BMPR1A: variants seen among roughly 807,000 people sequenced by gnomAD.
BMPR1A encodes bone morphogenetic protein receptor type 1A, also known as bone morphogenetic protein receptor type-1A.
Under a neutral mutation model 66.0 loss-of-function variants are expected in BMPR1A, and 7 were observed. The observed-to-expected ratio is 0.11, with a 90% CI of 0.06 to 0.20. The LOEUF (loss-of-function observed/expected upper bound fraction) is 0.20, where lower values mean the gene tolerates loss of function less well. BMPR1A is among the 10% of genes least tolerant of loss of function. The probability of loss-of-function intolerance (pLI) is 1.00; values close to 1 mark genes in which losing one functional copy is unlikely to be tolerated. For missense variants in BMPR1A, 408 were observed against 669.1 expected, an observed-to-expected ratio of 0.61 and a Z score of 4.31; for synonymous variants, 200 against 229.7, an observed-to-expected ratio of 0.87 and a Z score of 1.17.
At chr10:86,874,795 G>A (rs972780237) in intron 2 of BMPR1A, among the ~76,000 whole-genome samples, 18 of 140,250 alleles carry the variant, frequency 1.3e-4, no homozygotes, top group Admixed American at 7.5e-5. Context: ...TGCAATCTTG[G>A]CTCACTGCAA....
intron 2 of BMPR1A, among the ~76,000 whole-genome samples, chr10:86,869,354 G>GT (rs1842824268): frequency 6.6e-6 from 1 of 151,800 alleles, no homozygotes; most frequent in Non-Finnish European, 1.5e-5. Context: ...GCTACTCCGA[G>GT]GCTGAAGCAG....
At chr10:86,813,159 A>G (rs143349353) in intron 1 of BMPR1A, among the ~76,000 whole-genome samples, 1,558 of 152,304 alleles carry the variant, frequency 0.01, 17 homozygotes, top group Non-Finnish European at 0.016. Flanking sequence ...GTTGGGGTTC[A>G]GTCCATTGTA....
At chr10:86,830,546 G>A (rs770632405) in intron 1 of BMPR1A, among the ~76,000 whole-genome samples, 2 of 152,174 alleles carry the variant, frequency 1.3e-5, no homozygotes, top group Non-Finnish European at 2.9e-5. Context: ...TAGGTGTGCA[G>A]CATAGTTTGG....
intron 1 of BMPR1A, among the ~76,000 whole-genome samples, chr10:86,815,198 A>G (rs763540638): frequency 5.9e-5 from 9 of 152,230 alleles, no homozygotes; most frequent in Non-Finnish European, 1.3e-4. Flanking sequence ...CTAGTGACTC[A>G]GGATAGCATT....
chr10:86,840,218 T>C (rs1842406876), intron 2 of BMPR1A, among the ~76,000 whole-genome samples: 1 of 152,242 alleles, frequency 6.6e-6, no homozygotes, highest in South Asian at 2.1e-4. Flanking sequence ...CTTACACTTC[T>C]GGAAGTGGCA....
intron 1 of BMPR1A, among the ~76,000 whole-genome samples, chr10:86,778,023 AT>A (rs996984143): frequency 1.3e-5 from 2 of 149,000 alleles, no homozygotes; most frequent in Admixed American, 6.7e-5. Flanking sequence ...AAAAAAAAAA[AT>A]TAAATTGACA....
At chr10:86,826,643 A>T (rs564696897) in intron 1 of BMPR1A, among the ~76,000 whole-genome samples, 5 of 152,280 alleles carry the variant, frequency 3.3e-5, no homozygotes, top group African/African-American at 1.2e-4. Context: ...TACTATATAG[A>T]TGGCATTAAT....
chr10:86,872,103 C>G (rs928761200), intron 2 of BMPR1A, among the ~76,000 whole-genome samples: 1 of 152,156 alleles, frequency 6.6e-6, no homozygotes, highest in East Asian at 1.9e-4. Context: ...AATACCAATA[C>G]GTATTGAGCT....
At chr10:86,930,822 C>T (rs935721730), downstream of BMPR1A, 1 of 152,194 alleles carries the variant, frequency 6.6e-6, no homozygotes, top group Non-Finnish European at 1.5e-5. Context: ...CGCACTGTAG[C>T]CTCAAACTCC....
chr10:86,762,957 C>T (rs1394263781), intron 1 of BMPR1A, among the ~76,000 whole-genome samples: 9 of 151,916 alleles, frequency 5.9e-5, no homozygotes, highest in East Asian at 1.9e-4. Context: ...AGTGCAGTGG[C>T]GTGATCTTGG....
chr10:86,803,273 A>G lies in BMPR1A; in HGVS notation c.-267-35592A>G, dbSNP rs574904790. On this transcript the variant is annotated intron_variant, in intron 1 of 12. Coordinates refer to ENST00000372037, the MANE Select transcript of BMPR1A (RefSeq NM_004329.3). Reference sequence around the variant, plus strand: ...TTATTTATTTTTATAAAGAGACAGCATCTCACTTTGTTGCCCAGGCTGATC... The same window carrying G: ...TTATTTATTTTTATAAAGAGACAGCGTCTCACTTTGTTGCCCAGGCTGATC... Among the ~76,000 whole-genome samples, 9 of 152,306 alleles carry G rather than the reference A, an allele frequency of 5.9e-5. No homozygotes were observed. In the South Asian group the frequency reaches 1.9e-3, roughly 32 times the overall value.
chr10:86,896,810 A>C (rs887465320), intron 5 of BMPR1A, among the ~76,000 whole-genome samples: 2 of 152,224 alleles, frequency 1.3e-5, no homozygotes, highest in Admixed American at 1.3e-4. Flanking sequence ...GTCACCTGAA[A>C]AATACGTGAA....
rs115049476 is a variant in BMPR1A, at chr10:86,818,480, G to A, written c.-267-20385G>A. 4.4e-3 allele frequency among the ~76,000 whole-genome samples: 664 copies of A among 152,288 alleles called. 9 individuals carry two copies. Among genetic ancestry groups the A allele is most frequent in the African/African-American group, 0.015 (627 of 41,574 alleles). The stretch of plus-strand genomic sequence containing the variant: ...TTAATAATTTTAGGGCGCAGATGAA[G>A]AGGCTTTCAGATTGCTTTTGTCTCA... On this transcript the variant is annotated intron_variant, in intron 1 of 12. Transcript: ENST00000372037.
chr10:86,845,225 G>A (rs558513792), intron 2 of BMPR1A, among the ~76,000 whole-genome samples: 1 of 152,336 alleles, frequency 6.6e-6, no homozygotes, highest in East Asian at 1.9e-4. Flanking sequence ...GAGAGAATGG[G>A]AAAAGTGAGA....
At chr10:86,778,406 A>G (rs1422288634) in intron 1 of BMPR1A, among the ~76,000 whole-genome samples, 8 of 151,904 alleles carry the variant, frequency 5.3e-5, no homozygotes, top group Admixed American at 5.2e-4. Context: ...GGCCTCCCAA[A>G]GTGCTGGATT....
rs1168522735 is a variant in BMPR1A at position 86,924,942 on chromosome 10, TATC to T, written c.*1227_*1229del. ...TCAGGTAAAAACTTCATTAGGGTAA[TATC>T]ATCTCAATTTTTTCAAATGAAAGGA... On this transcript the variant is annotated 3_prime_UTR_variant, in exon 13 of 13. Coordinates refer to ENST00000372037, the MANE Select transcript of BMPR1A (RefSeq NM_004329.3). 4.3e-6 allele frequency: 1 copy of T among 232,068 alleles called. No homozygotes were observed. Among genetic ancestry groups the T allele is most frequent in the Non-Finnish European group, 8.5e-6 (1 of 117,396 alleles). The allele number at this position is 232,068 out of a possible 1,614,324, so 14.4% of individuals were successfully genotyped here.
At chr10:86,769,827 G>T (rs1341816909) in intron 1 of BMPR1A, among the ~76,000 whole-genome samples, 1 of 152,180 alleles carries the variant, frequency 6.6e-6, no homozygotes, top group African/African-American at 2.4e-5. Context: ...GCAGCAGGCT[G>T]GTTTATCTGT....
chr10:86,919,148 C>T (rs1231022823), intron 9 of BMPR1A, 24 bp from the exon 10 acceptor site: 1 of 1,613,496 alleles, frequency 6.2e-7, no homozygotes, highest in African/African-American at 1.3e-5. Context: ...GATAACTAAC[C>T]TTTTAAACTC....
At chr10:86,797,707 AG>A (rs771031505) in intron 1 of BMPR1A, among the ~76,000 whole-genome samples, 25 of 152,236 alleles carry the variant, frequency 1.6e-4, no homozygotes, top group Non-Finnish European at 2.6e-4. Context: ...TAGCATTTTC[AG>A]GTACCATCGA....
Sources: gnomAD v4.1 joint callset for allele counts (sites outside exome capture counted in the v4.1 genomes callset) on GRCh38, gnomAD v4.1.1 for gene constraint, MANE v1.5 for transcripts, NCBI Gene and HGNC (gene_info 2026-07-23, HGNC 2026-07-21) for gene names.